Variants in PRDM2 observed in about 807,000 individuals in gnomAD.
PRDM2 encodes the protein PR domain zinc finger protein 2.
PRDM2 carries 30 observed loss-of-function variants against 130.0 expected under a neutral mutation model. The observed-to-expected ratio is 0.23, with a 90% CI of 0.17 to 0.31. PRDM2 has a LOEUF of 0.31. Among genes scored for constraint, PRDM2 ranks in the 10% least tolerant of loss-of-function variants. The probability of loss-of-function intolerance (pLI) is 1.00; values close to 1 mark genes in which losing one functional copy is unlikely to be tolerated. For synonymous variants in PRDM2, 871 were observed against 782.4 expected (o/e 1.11, Z -1.89); for missense variants, 2,011 against 2,108.4 (o/e 0.95, Z 0.90).
Position 13,780,373 on chromosome 1 carries a change from T to C in PRDM2, c.2578T>C (p.Ser860Pro). The change falls in exon 8 of 10, where the codon TCT becomes CCT. Residue 860 changes from serine (S) to proline (P), a missense_variant. Physicochemically the swap from Ser to Pro is moderately conservative, Grantham distance 74. Coordinates refer to ENST00000311066, the MANE Select transcript of PRDM2 (RefSeq NM_001393986.1). The part of the protein sequence containing the change: ...LSVHKKHCSD[S>P]EGKEFKESHS... ...TGTGCATAAAAAGCATTGTAGTGAC[T>C]CTGAAGGCAAGGAATTCAAAGAAAG... The C allele has an allele frequency of 3.1e-6, 5 of 1,614,170 alleles. No homozygotes were observed. Among genetic ancestry groups the C allele is most frequent in the Non-Finnish European group, 4.2e-6 (5 of 1,180,038 alleles).
chr1:13,726,502 A>G (rs555912670), intron 2 of PRDM2, among the ~76,000 whole-genome samples: 1 of 152,336 alleles, frequency 6.6e-6, no homozygotes, highest in Non-Finnish European at 1.5e-5. Flanking sequence ...CTCTGAGCAG[A>G]CACTCAGGGA....
intron 4 of PRDM2, among the ~76,000 whole-genome samples, chr1:13,739,908 G>T (rs1429564996): frequency 6.6e-6 from 1 of 152,096 alleles, no homozygotes. Context: ...CATTTAAAAG[G>T]TTAAAATTGT....
At chr1:13,724,171 C>T (rs531424289) in intron 2 of PRDM2, among the ~76,000 whole-genome samples, 2 of 152,312 alleles carry the variant, frequency 1.3e-5, no homozygotes, top group East Asian at 3.9e-4. Context: ...TCAGCTTCAC[C>T]ACCCTGGGGT....
chr1:13,786,191 G>A (rs1032033216), intron 8 of PRDM2, among the ~76,000 whole-genome samples: 1 of 151,856 alleles, frequency 6.6e-6, no homozygotes, highest in Non-Finnish European at 1.5e-5. Context: ...TTCAAACCGA[G>A]TTCCCATCGC....
At chr1:13,807,565 C>T (rs902005782) in intron 8 of PRDM2, among the ~76,000 whole-genome samples, 3 of 152,122 alleles carry the variant, frequency 2.0e-5, no homozygotes, top group African/African-American at 4.8e-5. Flanking sequence ...GGGAATGAGA[C>T]ATTTGAACAG....
intron 8 of PRDM2, among the ~76,000 whole-genome samples, chr1:13,799,601 T>C (rs2100727994): frequency 6.6e-6 from 1 of 152,296 alleles, no homozygotes; most frequent in Non-Finnish European, 1.5e-5. Context: ...GACCCACCAA[T>C]ATTAATGCAT....
At chr1:13,787,390 C>T in intron 8 of PRDM2, 3 of 984,092 alleles carry the variant, frequency 3.0e-6, no homozygotes, top group African/African-American at 1.7e-5. Context: ...ATATTAATAT[C>T]ATTTATCCTT....
In PRDM2 at chr1:13,780,193, T is replaced by G; in HGVS notation, c.2398T>G (p.Phe800Val). 2 of 1,600,934 alleles carry G rather than the reference T, an allele frequency of 1.2e-6. No homozygotes were observed. The highest frequency in any genetic ancestry group is 1.7e-4 in the Middle Eastern group (1 of 5,978). ...DERETVSPPC[F>V]DEYKMSKEWT... ...GAGAGAAACTGTGAGCCCTCCATGC[T>G]TTGATGAATATAAAATGTCTAAAGA... Residue 800 changes from phenylalanine (F) to valine (V), a missense_variant, in exon 8 of 10, where the codon TTT (phenylalanine) becomes GTT (valine). Phe to Val is a conservative substitution (Grantham distance 50). Coordinates refer to ENST00000311066, the MANE Select transcript of PRDM2 (RefSeq NM_001393986.1).
chr1:13,786,032 G>T (rs921830481), intron 8 of PRDM2, among the ~76,000 whole-genome samples: 2 of 151,546 alleles, frequency 1.3e-5, no homozygotes, highest in Non-Finnish European at 2.9e-5. Context: ...TAGAGATGGG[G>T]TTTCACCGTG....
At chr1:13,756,432 T>C (rs1421952600) in intron 6 of PRDM2, among the ~76,000 whole-genome samples, 2 of 152,220 alleles carry the variant, frequency 1.3e-5, no homozygotes, top group Non-Finnish European at 2.9e-5. Context: ...TTGTTTATAT[T>C]TCACATGCTG....
Position 13,749,502 on chromosome 1 carries a change from G to A in PRDM2, c.511+15G>A, listed in dbSNP as rs1411132215. The A allele has an allele frequency of 1.5e-6, 2 of 1,331,796 alleles. No homozygotes were observed. Among genetic ancestry groups the A allele is most frequent in the East Asian group, 4.6e-5 (1 of 21,574 alleles). The allele number at this position is 1,331,796 out of a possible 1,614,324, so 82.5% of individuals were successfully genotyped here. A position where few individuals can be genotyped will look rare whatever the true frequency, so the allele number is the denominator to read the frequency against. On this transcript the variant is annotated intron_variant, in intron 6 of 9. Coordinates refer to ENST00000311066, the MANE Select transcript of PRDM2 (RefSeq NM_001393986.1). ...GAGCCGGAAAGGTAGGAGCCCCCCG[G>A]CCCGCCCGCCCGGCCCCGGCGCCAC...
intron 2 of PRDM2, among the ~76,000 whole-genome samples, chr1:13,722,218 A>T (rs1457168290): frequency 1.3e-5 from 2 of 152,128 alleles, no homozygotes; most frequent in Non-Finnish European, 2.9e-5. Flanking sequence ...CATGCAGCTC[A>T]CCATCTGGGA....
intron 1 of PRDM2, among the ~76,000 whole-genome samples, chr1:13,711,469 C>T (rs1026900233): frequency 6.6e-6 from 1 of 152,156 alleles, no homozygotes. Flanking sequence ...TACGTATTTT[C>T]GATTGTCAAA....
Position 13,773,390 on chromosome 1 carries a change from T to C in PRDM2, c.622+202T>C, listed in dbSNP as rs535532774. 9.6e-4 allele frequency: 357 copies of C among 372,448 alleles called. 9 individuals carry two copies. The South Asian group carries it at 0.038, about 40-fold the overall frequency. The allele number at this position is 372,448 out of a possible 1,614,324, so 23.1% of individuals were successfully genotyped here. ...TTCAAACAATTGTGAAAGACTTTTC[T>C]TCTTAAAAATGAACTTGTTCCTTTG... is the stretch of plus-strand genomic sequence containing the variant. On this transcript the variant is annotated intron_variant, in intron 7 of 9. Transcript: ENST00000311066.
At chr1:13,766,453 T>G (rs893014375) in intron 6 of PRDM2, among the ~76,000 whole-genome samples, 42 of 152,198 alleles carry the variant, frequency 2.8e-4, no homozygotes, top group Non-Finnish European at 1.5e-4. Context: ...ATTATGGTAT[T>G]AGTGATAGCC....
rs201918208 is a variant in PRDM2 at position 13,780,672 on chromosome 1, T to G, written c.2877T>G (p.Gly959=). Residue 959 remains glycine, a synonymous_variant, in exon 8 of 10, where the codon GGT becomes GGG. Transcript: ENST00000311066. ...TGCAGACACCCTCCCTTTCATCCGG[T>G]CAGCTGCCTCCTCTCTTGATCCCCA... The part of the protein sequence containing the change: ...PALQTPSLSS[G]QLPPLLIPTD... 1 of 1,611,178 alleles carries G rather than the reference T, an allele frequency of 6.2e-7. No individual in the cohort carries two copies. Among genetic ancestry groups the G allele is most frequent in the African/African-American group, 1.3e-5 (1 of 74,902 alleles).
In PRDM2 at chr1:13,709,662, C is replaced by T. The variant is rs80120978; in HGVS notation, c.-65-5879C>T. ...TGTGTTGGCCATGAACTTTCTAAGA[C>T]TCCTTTCCCAAAATGGCAACTGTTT... On this transcript the variant is annotated intron_variant, in intron 1 of 9. Coordinates refer to ENST00000311066, the MANE Select transcript of PRDM2 (RefSeq NM_001393986.1). 2.0e-5 allele frequency among the ~76,000 whole-genome samples: 3 copies of T among 152,296 alleles called. No individual in the cohort carries two copies. The East Asian group carries it at 5.8e-4, about 29-fold the overall frequency.
intron 6 of PRDM2, among the ~76,000 whole-genome samples, chr1:13,764,696 C>G (rs544671657): frequency 6.6e-6 from 1 of 152,340 alleles, no homozygotes; most frequent in South Asian, 2.1e-4. Flanking sequence ...GTGCAACAGC[C>G]CCCCTGGTGG....
chr1:13,798,659 T>A (rs1023852716), intron 8 of PRDM2, among the ~76,000 whole-genome samples: 2 of 152,306 alleles, frequency 1.3e-5, no homozygotes, highest in African/African-American at 4.8e-5. Flanking sequence ...TTCCTTCAGA[T>A]TTCTAGGTTC....
Sources: gnomAD v4.1 joint callset for allele counts (sites outside exome capture counted in the v4.1 genomes callset) on GRCh38, gnomAD v4.1.1 for gene constraint, MANE v1.5 for transcripts, NCBI Gene and HGNC (gene_info 2026-07-23, HGNC 2026-07-21) for gene names.